Variants in VCF2 observed in about 807,000 individuals in gnomAD.
VCF2 encodes VCP nuclear cofactor family member 2.
chrX:55,158,044 C>T, the VCF2 span, among the ~76,000 whole-genome samples: 2 of 111,968 alleles, frequency 1.8e-5, no homozygotes, highest in Non-Finnish European at 3.8e-5. Context: ...CAACAAAAAT[C>T]CCCCAGCACC....
chrX:55,145,744 CAT>C, the VCF2 span: 200 of 774,110 alleles, frequency 2.6e-4, 1 homozygote, highest in African/African-American at 4.4e-3. Context: ...AGATGTTTAA[CAT>C]AGAGTTTCTA....
At chrX:55,159,717 T>C in the VCF2 span, among the ~76,000 whole-genome samples, 1 of 112,311 alleles carries the variant, frequency 8.9e-6, no homozygotes, top group Non-Finnish European at 1.9e-5. Context: ...AGGCACTTAC[T>C]GTTGCTATAC....
the VCF2 span, among the ~76,000 whole-genome samples, chrX:55,152,142 C>T: frequency 9.1e-6 from 1 of 110,456 alleles, no homozygotes; most frequent in South Asian, 3.9e-4. Context: ...CCGCCCGCCT[C>T]GGCCTCCCAA....
At chrX:55,156,393 T>C in the VCF2 span, among the ~76,000 whole-genome samples, 1 of 112,292 alleles carries the variant, frequency 8.9e-6, no homozygotes, top group Non-Finnish European at 1.9e-5. Flanking sequence ...AATATGATGC[T>C]TATTCAAAGG....
chrX:55,158,987 G>T, the VCF2 span: 1 of 407,301 alleles, frequency 2.5e-6, no homozygotes, highest in Non-Finnish European at 4.0e-6. Context: ...TAAAGCTCCA[G>T]CTCAAAAGCC....
the VCF2 span, chrX:55,146,187 T>A: frequency 8.3e-7 from 1 of 1,211,435 alleles, no homozygotes; most frequent in Non-Finnish European, 1.1e-6. Flanking sequence ...ATACCCCTCA[T>A]GCAAGAACTG....
the VCF2 span, chrX:55,143,836 G>GGACATAAACCAGTTTAT: frequency 5.1e-5 from 61 of 1,205,264 alleles, no homozygotes; most frequent in Non-Finnish European, 6.3e-5. Context: ...CAGGACCAAA[G>GGACATAAACCAGTTTAT]GACATAAACC....
chrX:55,156,206 C>G, the VCF2 span, among the ~76,000 whole-genome samples: 1 of 111,553 alleles, frequency 9.0e-6, no homozygotes, highest in African/African-American at 3.3e-5. Context: ...CCCGCCTTGG[C>G]CTCCCAAAGT....
the VCF2 span, among the ~76,000 whole-genome samples, chrX:55,147,439 G>T: frequency 2.7e-5 from 3 of 110,184 alleles, no homozygotes; most frequent in Non-Finnish European, 5.7e-5. Context: ...CAATCAAATT[G>T]ATTTAAGGAT....
At chrX:55,157,190 G>A in the VCF2 span, among the ~76,000 whole-genome samples, 1 of 112,472 alleles carries the variant, frequency 8.9e-6, no homozygotes, top group Non-Finnish European at 1.9e-5. Context: ...CAAACGTGAT[G>A]AGAATGACTC....
the VCF2 span, chrX:55,143,277 T>C: frequency 8.9e-6 from 1 of 111,900 alleles, no homozygotes; most frequent in African/African-American, 3.3e-5. Flanking sequence ...ACAAAGACAA[T>C]TAACATGTCT....
chrX:55,154,149 C>G, the VCF2 span, among the ~76,000 whole-genome samples: 1 of 111,601 alleles, frequency 9.0e-6, no homozygotes, highest in African/African-American at 3.3e-5. Flanking sequence ...TAGAGACAAG[C>G]TCTTGCTCCA....
chrX:55,152,133 C>T, the VCF2 span, among the ~76,000 whole-genome samples: 65 of 109,816 alleles, frequency 5.9e-4, no homozygotes, highest in East Asian at 0.016. Context: ...CCTCGTGATC[C>T]GCCCGCCTCG....
At chrX:55,146,729 T>C in the VCF2 span, among the ~76,000 whole-genome samples, 7 of 112,306 alleles carry the variant, frequency 6.2e-5, no homozygotes, top group African/African-American at 9.7e-5. Flanking sequence ...AACAAGTAAG[T>C]TGGACTATGG....
At chrX:55,151,192 C>T in the VCF2 span, among the ~76,000 whole-genome samples, 1 of 112,269 alleles carries the variant, frequency 8.9e-6, no homozygotes, top group Non-Finnish European at 1.9e-5. Context: ...TGTAACAGGA[C>T]ACAATTGAAG....
chrX:55,154,645 A>T, the VCF2 span, among the ~76,000 whole-genome samples: 1 of 112,218 alleles, frequency 8.9e-6, no homozygotes, highest in African/African-American at 3.2e-5. Context: ...CTGCATACTT[A>T]CCTGTAACCA....
chrX:55,158,185 C>G, the VCF2 span, among the ~76,000 whole-genome samples: 1 of 112,202 alleles, frequency 8.9e-6, no homozygotes, highest in Admixed American at 9.4e-5. Flanking sequence ...AATCTTTTCT[C>G]ATCTTGCTCA....
At chrX:55,145,344 T>A in the VCF2 span, 1 of 748,738 alleles carries the variant, frequency 1.3e-6, no homozygotes, top group Admixed American at 8.7e-5. Flanking sequence ...CTGACAGAAT[T>A]GTGCAGTGTT....
chrX:55,146,235 A>C, the VCF2 span: 11 of 1,211,444 alleles, frequency 9.1e-6, no homozygotes, highest in Non-Finnish European at 1.2e-5. Flanking sequence ...AATCTGGTTT[A>C]AGTTGCCTTC....
Sources: allele counts gnomAD v4.1 joint callset (sites outside exome capture counted in the v4.1 genomes callset), GRCh38; gene constraint gnomAD v4.1.1; transcripts MANE v1.5; gene names NCBI Gene and HGNC (gene_info 2026-07-23, HGNC 2026-07-21).